The following ZFYVE28 variants were observed in gnomAD, a reference collection of about 807,000 sequenced individuals.
ZFYVE28 encodes the protein lateral signaling target protein 2 homolog.
A neutral mutation model predicts 82.1 loss-of-function variants in ZFYVE28; 40 were observed. The ratio of observed to expected loss-of-function variants is 0.49; its 90% CI spans 0.38 to 0.63. ZFYVE28 has a LOEUF of 0.63. ZFYVE28 is among the 30% of genes least tolerant of loss of function. The pLI is 0.00. For synonymous variants in ZFYVE28, 612 were observed against 546.1 expected (o/e 1.12, Z -1.68); for missense variants, 1,321 against 1,242.1 (o/e 1.06, Z -0.96).
At chr4:2,369,730 T>C (rs923547762) in intron 1 of ZFYVE28, among the ~76,000 whole-genome samples, 12 of 151,188 alleles carry the variant, frequency 7.9e-5, no homozygotes, top group East Asian at 3.9e-4. Context: ...CACCGGGAGC[T>C]GGAGAAGGCA....
At chr4:2,330,923 G>A (rs1169468816) in intron 6 of ZFYVE28, 1 of 1,535,298 alleles carries the variant, frequency 6.5e-7, no homozygotes, top group South Asian at 1.2e-5. Flanking sequence ...GAGCAGGGCA[G>A]AGATGACACC....
intron 8 of ZFYVE28, among the ~76,000 whole-genome samples, chr4:2,276,132 G>C (rs1393459670): frequency 1.3e-5 from 2 of 152,056 alleles, no homozygotes; most frequent in Non-Finnish European, 2.9e-5. Flanking sequence ...TCAGGGCAGC[G>C]GGCTGCGGCA....
intron 8 of ZFYVE28, among the ~76,000 whole-genome samples, chr4:2,289,341 C>T (rs1713239531): frequency 6.6e-6 from 1 of 152,346 alleles, no homozygotes; most frequent in East Asian, 1.9e-4. Context: ...CAGATTCCTT[C>T]GAACAAGGGT....
At chr4:2,364,565 C>A (rs3128827) in intron 1 of ZFYVE28, 1 of 985,454 alleles carries the variant, frequency 1.0e-6, no homozygotes, top group Non-Finnish European at 1.2e-6. Context: ...GGAATTTAGA[C>A]GGTCGGCACT....
At chr4:2,275,916 C>T (rs575983804) in intron 8 of ZFYVE28, among the ~76,000 whole-genome samples, 2 of 152,210 alleles carry the variant, frequency 1.3e-5, no homozygotes, top group Admixed American at 1.3e-4. Context: ...GAATGGAAGA[C>T]CCACCGTGAT....
intron 1 of ZFYVE28, among the ~76,000 whole-genome samples, chr4:2,406,004 G>T (rs1249080633): frequency 6.9e-6 from 1 of 145,534 alleles, no homozygotes; most frequent in Non-Finnish European, 1.5e-5. Flanking sequence ...AGCCAAGATT[G>T]CGCTGCTATA....
intron 1 of ZFYVE28, among the ~76,000 whole-genome samples, chr4:2,358,975 C>CTT (rs34020284): frequency 0.014 from 1,719 of 125,748 alleles, 23 homozygotes; most frequent in Middle Eastern, 0.022. Flanking sequence ...CCAATTTTTT[C>CTT]TTTTTTTTTT....
intron 8 of ZFYVE28, among the ~76,000 whole-genome samples, chr4:2,301,926 C>G (rs770259880): frequency 6.6e-6 from 1 of 152,192 alleles, no homozygotes; most frequent in African/African-American, 2.4e-5. Flanking sequence ...GGCTGTTCAT[C>G]GTGGCACGTC....
In ZFYVE28 at chr4:2,335,359, T is replaced by A. The variant is rs1180549086; in HGVS notation, c.701+346A>T. ...CCTCCCACAGCCCCTGCGTGGCCAC[T>A]CTGTTCCGAGCATGACCCCTGTGTG... On this transcript the variant is annotated intron_variant, in intron 6 of 12. Transcript: ENST00000290974. The surrounding 1 kb of genome is among the most constrained non-coding windows in gnomAD (Gnocchi z 5.8). Among the ~76,000 whole-genome samples the A allele has an allele frequency of 6.6e-6, 1 of 152,096 alleles. No homozygotes were observed. Among genetic ancestry groups the A allele is most frequent in the Non-Finnish European group, 1.5e-5 (1 of 68,002 alleles).
chr4:2,344,939 C>T (rs754372903), intron 2 of ZFYVE28, among the ~76,000 whole-genome samples: 2 of 151,724 alleles, frequency 1.3e-5, no homozygotes, highest in Non-Finnish European at 2.9e-5. Flanking sequence ...CGGCCAGGCG[C>T]GGTGGCTCAC....
At chr4:2,402,666 T>G (rs1731327114) in intron 1 of ZFYVE28, among the ~76,000 whole-genome samples, 1 of 152,096 alleles carries the variant, frequency 6.6e-6, no homozygotes, top group South Asian at 2.1e-4. Flanking sequence ...CTCACACAGA[T>G]GCCAAGAAAA....
rs1722481628 is a variant in ZFYVE28 at position 2,339,800 on chromosome 4, GA to G, written c.319-146del. Reference sequence around the variant, plus strand: ...CAGCTCGTGTTCCCGGTCCCCGCAGGAGGTTTTTCTTACATTCAGAGCAATC... The same window carrying G: ...CAGCTCGTGTTCCCGGTCCCCGCAGGGGTTTTTCTTACATTCAGAGCAATC... On this transcript the variant is annotated intron_variant, in intron 3 of 12. Transcript: ENST00000290974. The surrounding 1 kb of genome is among the most constrained non-coding windows in gnomAD (Gnocchi z 5.0). 1.4e-6 allele frequency: 1 copy of G among 726,994 alleles called. No homozygotes were observed. The highest frequency in any genetic ancestry group is 1.9e-5 in the South Asian group (1 of 53,128). The allele number at this position is 726,994 out of a possible 1,614,324, so 45.0% of individuals were successfully genotyped here. A position where few individuals can be genotyped will look rare whatever the true frequency, so the allele number is the denominator to read the frequency against.
At chr4:2,312,535 C>T (rs1312833452) in intron 7 of ZFYVE28, among the ~76,000 whole-genome samples, 10 of 151,036 alleles carry the variant, frequency 6.6e-5, no homozygotes, top group African/African-American at 1.5e-4. Flanking sequence ...GAGACCATCC[C>T]GGCTAACATG....
At chr4:2,387,839 A>T (rs1263215202) in intron 1 of ZFYVE28, among the ~76,000 whole-genome samples, 2 of 152,234 alleles carry the variant, frequency 1.3e-5, no homozygotes, top group African/African-American at 4.8e-5. Flanking sequence ...CCCGATAAGG[A>T]ATTGGGAATG....
chr4:2,365,018 G>A (rs1022553500), intron 1 of ZFYVE28: 5 of 509,002 alleles, frequency 9.8e-6, no homozygotes, highest in Non-Finnish European at 1.3e-5. Context: ...GGCCCCGCAC[G>A]CGGAAGTGGG....
At chr4:2,370,349 CT>C (rs1440385465) in intron 1 of ZFYVE28, among the ~76,000 whole-genome samples, 1 of 152,140 alleles carries the variant, frequency 6.6e-6, no homozygotes, top group Non-Finnish European at 1.5e-5. Context: ...CTGACCATCA[CT>C]CGGCCTGAGC....
intron 1 of ZFYVE28, among the ~76,000 whole-genome samples, chr4:2,381,909 C>G (rs919985208): frequency 2.6e-5 from 4 of 152,236 alleles, no homozygotes; most frequent in Non-Finnish European, 4.4e-5. Flanking sequence ...ATGGGCCAGG[C>G]CCAGGGTCCC....
chr4:2,312,745 A>C (rs1471609404), intron 7 of ZFYVE28, among the ~76,000 whole-genome samples: 2 of 149,734 alleles, frequency 1.3e-5, no homozygotes, highest in East Asian at 3.9e-4. Context: ...AAAAAAAAAA[A>C]AAAAAAGAAG....
intron 8 of ZFYVE28, among the ~76,000 whole-genome samples, chr4:2,289,773 G>C (rs546442208): frequency 5.9e-5 from 9 of 152,304 alleles, no homozygotes; most frequent in African/African-American, 2.2e-4. Flanking sequence ...AGCCTGCGGG[G>C]GCCTGTGCAT....
Sources: allele counts gnomAD v4.1 joint callset (sites outside exome capture counted in the v4.1 genomes callset), GRCh38; gene constraint gnomAD v4.1.1; non-coding constraint Gnocchi (gnomAD v3.1); transcripts MANE v1.5; gene names NCBI Gene and HGNC (gene_info 2026-07-23, HGNC 2026-07-21).